Variants in MGAT5B observed in about 807,000 individuals in gnomAD.
The protein encoded by MGAT5B is N-acetylglucosaminyl-transferase Vb.
Under a neutral mutation model 95.1 loss-of-function variants are expected in MGAT5B, and 54 were observed. That is an observed-to-expected ratio of 0.57 (90% CI 0.46 to 0.71). The LOEUF (loss-of-function observed/expected upper bound fraction) is 0.71. Ranked by LOEUF, MGAT5B falls within the 30% of genes least tolerant of loss-of-function variation. MGAT5B has a pLI of 0.00. For missense variants in MGAT5B, 935 were observed against 1,088.6 expected, an observed-to-expected ratio of 0.86 and a Z score of 1.99; for synonymous variants, 464 against 451.0, an observed-to-expected ratio of 1.03 and a Z score of -0.36.
intron 2 of MGAT5B, among the ~76,000 whole-genome samples, chr17:76,877,459 A>G (rs1300918969): frequency 6.6e-6 from 1 of 151,726 alleles, no homozygotes; most frequent in East Asian, 1.9e-4. Context: ...TCCACCAGGG[A>G]TTGAACCTGG....
intron 8 of MGAT5B, among the ~76,000 whole-genome samples, chr17:76,911,869 C>G (rs1233412939): frequency 6.6e-6 from 1 of 152,214 alleles, no homozygotes; most frequent in East Asian, 1.9e-4. Flanking sequence ...TGAACTGAAT[C>G]CTGGCGCTGG....
At position 76,907,822 on chromosome 17, in the gene MGAT5B, A is replaced by G. The variant is rs371176017; in HGVS notation, c.1025+1635A>G. Among the ~76,000 whole-genome samples, 8 of 152,384 alleles carry G rather than the reference A, an allele frequency of 5.2e-5. No individual in the cohort carries two copies. In the East Asian group the frequency reaches 9.6e-4, roughly 18 times the overall value. On this transcript the variant is annotated intron_variant, in intron 8 of 17. Transcript: ENST00000569840. ...GATTGCTCCAATTCAGAGACTCACC[A>G]GTGCATGAGTTTCCGCTGGTTCACA...
At chr17:76,899,842 A>G (rs1968241516) in intron 3 of MGAT5B, among the ~76,000 whole-genome samples, 1 of 142,710 alleles carries the variant, frequency 7.0e-6, no homozygotes, top group African/African-American at 2.6e-5. Context: ...CATCACTGCC[A>G]AAAGGGAGAA....
rs765151631 is a variant in MGAT5B, at chr17:76,889,012, G to A, written c.329+6714G>A. Reference sequence around the variant, plus strand: ...GTCGGCCTTGGGAAGAGGGGTGGGCGGTGATCAGAGGCCTCGCTTGGCATT... The same window carrying A: ...GTCGGCCTTGGGAAGAGGGGTGGGCAGTGATCAGAGGCCTCGCTTGGCATT... On this transcript the variant is annotated intron_variant, in intron 3 of 17. Transcript: ENST00000569840. This position sits in a 1 kb window ranked among gnomAD's most constrained non-coding sequence, Gnocchi z 4.4. Among the ~76,000 whole-genome samples, 6 of 152,200 alleles carry A rather than the reference G, an allele frequency of 3.9e-5. No individual in the cohort carries two copies. The highest frequency in any genetic ancestry group is 7.3e-5 in the Non-Finnish European group (5 of 68,034).
In MGAT5B at chr17:76,905,944, G is replaced by T; in HGVS notation, c.856-74G>T. ...AGGGTCTGCTGCCGGCTGGTCTCCT[G>T]GCCGGTGCCCCGGGGGGGCGGGGCT... is the stretch of plus-strand genomic sequence containing the variant. On this transcript the variant is annotated intron_variant, in intron 7 of 17. Coordinates refer to ENST00000569840, the MANE Select transcript of MGAT5B (RefSeq NM_001199172.2). This position sits in a 1 kb window ranked among gnomAD's most constrained non-coding sequence, Gnocchi z 4.2. 6.8e-7 allele frequency: 1 copy of T among 1,480,672 alleles called. No homozygotes were observed. 91.7% of individuals were successfully genotyped at this position (1,480,672 alleles called of 1,614,324 possible). A position where few individuals can be genotyped will look rare whatever the true frequency, so the allele number is the denominator to read the frequency against.
chr17:76,875,289 G>C (rs1384203496), intron 2 of MGAT5B, among the ~76,000 whole-genome samples: 1 of 152,156 alleles, frequency 6.6e-6, no homozygotes, highest in African/African-American at 2.4e-5. Context: ...GGAGGTAATT[G>C]ATTCATGGGG....
chr17:76,906,251 C>T lies in MGAT5B; in HGVS notation c.1025+64C>T, dbSNP rs1209876250. ...GGGAGGGGATGAAGGGGAACCCCAC[C>T]CCTCCCTCCCAGGGGCTGTGGGAGC... On this transcript the variant is annotated intron_variant, in intron 8 of 17. Transcript: ENST00000569840. The surrounding 1 kb of genome is among the most constrained non-coding windows in gnomAD (Gnocchi z 4.6). 2 of 1,489,706 alleles carry T rather than the reference C, an allele frequency of 1.3e-6. No individual in the cohort carries two copies. The highest frequency in any genetic ancestry group is 1.8e-6 in the Non-Finnish European group (2 of 1,119,894). 92.3% of individuals were successfully genotyped at this position (1,489,706 alleles called of 1,614,324 possible).
chr17:76,947,933 C>A lies in MGAT5B; in HGVS notation c.2027C>A (p.Thr676Asn). 6.2e-7 allele frequency: 1 copy of A among 1,613,220 alleles called. No homozygotes were observed. The highest frequency in any genetic ancestry group is 8.5e-7 in the Non-Finnish European group (1 of 1,179,546). The change falls in exon 17 of 18, where the codon ACC (threonine) becomes AAC (asparagine). Residue 676 changes from threonine (T) to asparagine (N), a missense_variant. Thr to Asn is a moderately conservative substitution (Grantham distance 65). Around this residue, in one of 4 missense-constraint regions of MGAT5B, gnomAD observed 440 missense variants for 523.6 expected, o/e 0.84. Coordinates refer to ENST00000569840, the MANE Select transcript of MGAT5B (RefSeq NM_001199172.2). ...ACCCACCTCGAGTGGGCTCGGAACA[C>A]CAGCTTGGCTCCTGGGGCCTGGCCC... ...NATHLEWARN[T>N]SLAPGAWPPA...
At chr17:76,946,924 G>T (rs73999242) in intron 16 of MGAT5B, among the ~76,000 whole-genome samples, 32,500 of 152,124 alleles carry the variant, frequency 0.21, 3,711 homozygotes, top group Admixed American at 0.29. Context: ...GCCCCCGAGG[G>T]AGCGCCTGGG....
intron 8 of MGAT5B, among the ~76,000 whole-genome samples, chr17:76,920,958 T>G (rs751821987): frequency 3.3e-5 from 5 of 152,170 alleles, no homozygotes; most frequent in Admixed American, 2.6e-4. Context: ...CTGTCCCTGG[T>G]CCTGAATGTT....
chr17:76,899,652 T>C (rs1462237815), intron 3 of MGAT5B, among the ~76,000 whole-genome samples: 1 of 151,806 alleles, frequency 6.6e-6, no homozygotes, highest in African/African-American at 2.4e-5. Flanking sequence ...TCTCTCTCCC[T>C]CTCTCTCTCT....
intron 15 of MGAT5B, among the ~76,000 whole-genome samples, chr17:76,943,064 G>A (rs570362484): frequency 2.0e-4 from 30 of 152,202 alleles, no homozygotes; most frequent in African/African-American, 7.0e-4. Flanking sequence ...AAGCGGGGTC[G>A]GGGGAGGGCT....
chr17:76,869,048 G>C lies in MGAT5B; in HGVS notation c.19G>C (p.Asp7His). 6.2e-7 allele frequency: 1 copy of C among 1,614,090 alleles called. No homozygotes were observed. Among genetic ancestry groups the C allele is most frequent in the South Asian group, 1.1e-5 (1 of 91,082 alleles). MITVNP[D>H]GKIMVRRCLV... ...TTGAACAATGATCACCGTCAACCCC[G>C]ATGGGAAGATAATGGTCAGAAGATG... is the stretch of plus-strand genomic sequence containing the variant. The change falls in exon 1 of 18, where the codon GAT (aspartate) becomes CAT (histidine). Residue 7 changes from aspartate to histidine, a missense_variant. Physicochemically the swap from Asp to His is moderately conservative, Grantham distance 81. This residue lies in a region of MGAT5B where 243 missense variants were observed against 228.2 expected (regional missense o/e 1.06). Coordinates refer to ENST00000569840, the MANE Select transcript of MGAT5B (RefSeq NM_001199172.2). The surrounding 1 kb of genome is among the most constrained non-coding windows in gnomAD (Gnocchi z 7.0).
intron 2 of MGAT5B, among the ~76,000 whole-genome samples, chr17:76,877,639 G>A (rs927017557): frequency 1.3e-5 from 2 of 152,164 alleles, no homozygotes; most frequent in Non-Finnish European, 2.9e-5. Context: ...TCTGCTGCCC[G>A]GAGCCCAGAG....
chr17:76,872,021 C>T (rs1967028433), intron 1 of MGAT5B, among the ~76,000 whole-genome samples: 1 of 152,200 alleles, frequency 6.6e-6, no homozygotes, highest in African/African-American at 2.4e-5. Flanking sequence ...TCAATAACTA[C>T]ATGTTGAAGG....
intron 8 of MGAT5B, among the ~76,000 whole-genome samples, chr17:76,907,318 T>G (rs1010349235): frequency 6.6e-6 from 1 of 152,242 alleles, no homozygotes; most frequent in Non-Finnish European, 1.5e-5. Flanking sequence ...CCCAAAGTGT[T>G]GGGATTACAG....
At chr17:76,932,087 C>CTCCT (rs550306472) in intron 10 of MGAT5B, among the ~76,000 whole-genome samples, 1 of 55,576 alleles carries the variant, frequency 1.8e-5, no homozygotes, top group Non-Finnish European at 4.2e-5. Flanking sequence ...CCTCCTCCTC[C>CTCCT]CCCCCCCCTT....
Position 76,932,656 on chromosome 17 carries a change from G to T in MGAT5B, c.1303G>T (p.Asp435Tyr). The change falls in exon 11 of 18, where the codon GAC becomes TAC. Residue 435 changes from aspartate (D) to tyrosine (Y), a missense_variant. Physicochemically the swap from Asp to Tyr is radical, Grantham distance 160. Transcript: ENST00000569840. The stretch of plus-strand genomic sequence containing the variant: ...TGCTCGGGCTGCAGCTCATACCCCC[G>T]ACAACTCCTTCATGGGCTTCGTGTC... ...QFMTMFPHTPDNSFMGFVSEE... is the reference protein window; with the variant it reads ...QFMTMFPHTPYNSFMGFVSEE... 4 of 1,613,644 alleles carry T rather than the reference G, an allele frequency of 2.5e-6. No homozygotes were observed. The highest frequency in any genetic ancestry group is 1.1e-5 in the South Asian group (1 of 91,060).
Position 76,947,890 on chromosome 17 carries a change from G to T in MGAT5B, c.1984G>T (p.Val662Phe), listed in dbSNP as rs775953827. The change falls in exon 17 of 18, where the codon GTC becomes TTC. Residue 662 changes from valine to phenylalanine, a missense_variant. This residue lies in a region of MGAT5B where 440 missense variants were observed against 523.6 expected (regional missense o/e 0.84). Transcript: ENST00000569840. The part of the protein sequence containing the change: ...PEAHAPQSPF[V>F]LAPNATHLEW... ...GGCCCACGCCCCGCAGAGCCCCTTTGTCCTGGCCCCCAATGCCACCCACCT... is the reference window on the plus strand; with the variant it reads ...GGCCCACGCCCCGCAGAGCCCCTTTTTCCTGGCCCCCAATGCCACCCACCT... 17 of 1,612,998 alleles carry T rather than the reference G, an allele frequency of 1.1e-5. No homozygotes were observed. The highest frequency in any genetic ancestry group is 1.4e-5 in the Non-Finnish European group (17 of 1,179,366).
Sources: gnomAD v4.1 joint callset for allele counts (sites outside exome capture counted in the v4.1 genomes callset) on GRCh38, gnomAD v4.1.1 for gene constraint, gnomAD v4.1.1 regional missense constraint, Gnocchi (gnomAD v3.1) non-coding constraint, MANE v1.5 for transcripts, NCBI Gene and HGNC (gene_info 2026-07-23, HGNC 2026-07-21) for gene names.